UGT3A1: variants seen among roughly 807,000 people sequenced by gnomAD.
The protein encoded by UGT3A1 is UDP glycosyltransferase family 3 member A1, also known as UDP-glycosyltransferase 3A1.
UGT3A1 carries 40 observed loss-of-function variants against 37.6 expected under a neutral mutation model. That is an observed-to-expected ratio of 1.06 (90% confidence interval 0.83 to 1.38). UGT3A1 has a LOEUF of 1.38. Among genes scored for constraint, UGT3A1 ranks in the 40% most tolerant of loss-of-function variants. The pLI is 0.00. For missense variants in UGT3A1, 642 were observed against 634.2 expected (o/e 1.01, Z -0.13); for synonymous variants, 256 against 232.3 (o/e 1.10, Z -0.93).
At chr5:35,958,575 T>G (rs1408707890) in intron 4 of UGT3A1, among the ~76,000 whole-genome samples, 1 of 152,260 alleles carries the variant, frequency 6.6e-6, no homozygotes, top group Non-Finnish European at 1.5e-5. Flanking sequence ...CATGCCCTTG[T>G]TCTTTCAGAG....
chr5:35,980,862 T>C (rs1740494630), intron 2 of UGT3A1, among the ~76,000 whole-genome samples: 1 of 152,238 alleles, frequency 6.6e-6, no homozygotes, highest in Non-Finnish European at 1.5e-5. Flanking sequence ...CTCAGGGCTA[T>C]GGTGAACACC....
chr5:35,976,459 G>A (rs938057912), intron 2 of UGT3A1, among the ~76,000 whole-genome samples: 1 of 152,088 alleles, frequency 6.6e-6, no homozygotes, highest in African/African-American at 2.4e-5. Flanking sequence ...ATTTTAAATG[G>A]TACAGCCACT....
chr5:35,991,190 G>C lies in UGT3A1; in HGVS notation c.51C>G (p.Val17=). Residue 17 remains valine, a synonymous_variant, in exon 1 of 7, where the codon GTC becomes GTG. Coordinates refer to ENST00000274278, the MANE Select transcript of UGT3A1 (RefSeq NM_152404.4). ...GGATTTTGGCAGCCTCTGAGAGCAG[G>C]ACCCCAGAAAGAAGGAAGGCCACTA... ...LLLVAFLLSG[V]LLSEAAKILT... 6.2e-7 allele frequency: 1 copy of C among 1,614,212 alleles called. No homozygotes were observed. The highest frequency in any genetic ancestry group is 2.2e-5 in the East Asian group (1 of 44,864).
chr5:35,992,738 T>C (rs974626127), upstream of UGT3A1, among the ~76,000 whole-genome samples: 1 of 152,194 alleles, frequency 6.6e-6, no homozygotes, highest in African/African-American at 2.4e-5. Flanking sequence ...TCTAAAAAAT[T>C]ATAGGAGTAT....
At chr5:35,986,635 A>C (rs1740739098) in intron 2 of UGT3A1, among the ~76,000 whole-genome samples, 1 of 152,114 alleles carries the variant, frequency 6.6e-6, no homozygotes, top group South Asian at 2.1e-4. Flanking sequence ...GATCTTATGA[A>C]AGTAGAGAGT....
chr5:35,969,786 C>T (rs993384581), intron 2 of UGT3A1, among the ~76,000 whole-genome samples: 1 of 152,204 alleles, frequency 6.6e-6, no homozygotes, highest in Non-Finnish European at 1.5e-5. Context: ...GAATATTTCA[C>T]TAAATTTAAG....
In UGT3A1 at chr5:35,955,775, G is replaced by A. The variant is rs1230121118; in HGVS notation, c.1165C>T (p.Pro389Ser). Residue 389 changes from proline to serine, a missense_variant, in exon 6 of 7, where the codon CCA becomes TCA. Coordinates refer to ENST00000274278, the MANE Select transcript of UGT3A1 (RefSeq NM_152404.4). ...IRHGVPMVGLPVNGDQHGNMV... is the reference protein window; with the variant it reads ...IRHGVPMVGLSVNGDQHGNMV... Reference sequence around the variant, plus strand: ...TTTCCATGCTGGTCTCCATTGACTGGTAATCCCACCATGGGCACACCATGA... The same window carrying A: ...TTTCCATGCTGGTCTCCATTGACTGATAATCCCACCATGGGCACACCATGA... 1 of 1,614,156 alleles carries A rather than the reference G, an allele frequency of 6.2e-7. No homozygotes were observed. Among genetic ancestry groups the A allele is most frequent in the Non-Finnish European group, 8.5e-7 (1 of 1,180,046 alleles).
upstream of UGT3A1, among the ~76,000 whole-genome samples, chr5:35,996,322 CA>C (rs1741095233): frequency 6.6e-6 from 1 of 152,122 alleles, no homozygotes; most frequent in Non-Finnish European, 1.5e-5. Flanking sequence ...GGGAGAGATT[CA>C]TATAATAATA....
chr5:35,957,418 T>A lies in UGT3A1; in HGVS notation c.845A>T (p.Asp282Val). The change falls in exon 5 of 7, where the codon GAC (aspartate) becomes GTC (valine). Residue 282 changes from aspartate to valine, a missense_variant and splice_region_variant. Physicochemically the swap from Asp to Val is radical, Grantham distance 152. Transcript: ENST00000274278. ...AAAGTTGGCAATGAAGTTGTCCAAG[T>A]CCTAGAGAGAGATGACAAAAGAAAG... ...MEKPIKPVPQDLDNFIANFGD... is the reference protein window; with the variant it reads ...MEKPIKPVPQVLDNFIANFGD... The A allele has an allele frequency of 6.2e-7, 1 of 1,613,002 alleles. No individual in the cohort carries two copies. The highest frequency in any genetic ancestry group is 1.1e-5 in the South Asian group (1 of 90,800).
At chr5:35,961,062 G>A (rs1739562333) in intron 4 of UGT3A1, 1 of 152,204 alleles carries the variant, frequency 6.6e-6, no homozygotes, top group African/African-American at 2.4e-5. Context: ...TTTTGTGTGT[G>A]AAAACAGGAA....
rs574769501 is a variant in UGT3A1, at chr5:35,970,065, G to A, written c.197-1932C>T. Among the ~76,000 whole-genome samples the A allele has an allele frequency of 4.5e-4, 69 of 152,230 alleles. 1 individual carries two copies. Among genetic ancestry groups the A allele is most frequent in the African/African-American group, 1.6e-3 (67 of 41,536 alleles). On this transcript the variant is annotated intron_variant, in intron 2 of 6. Coordinates refer to ENST00000274278, the MANE Select transcript of UGT3A1 (RefSeq NM_152404.4). ...AGGTGGCAGCAGGCAAAGAGAGAGA[G>A]AGCTTGTGCAGGGAAACTCTCTCTT...
At position 35,991,384 on chromosome 5, in the gene UGT3A1, C is replaced by T; in HGVS notation, c.-144G>A. On this transcript the variant is annotated 5_prime_UTR_variant, in exon 1 of 7. Coordinates refer to ENST00000274278, the MANE Select transcript of UGT3A1 (RefSeq NM_152404.4). ...GAGACGGATCCTGCCAATTCTCTCG[C>T]CCTTCTGTTCGTTCTCTTTCCCGCT... The T allele has an allele frequency of 6.8e-7, 1 of 1,473,052 alleles. No homozygotes were observed. The highest frequency in any genetic ancestry group is 9.0e-7 in the Non-Finnish European group (1 of 1,111,714). 91.2% of individuals were successfully genotyped at this position (1,473,052 alleles called of 1,614,324 possible). A position where few individuals can be genotyped will look rare whatever the true frequency, so the allele number is the denominator to read the frequency against.
rs367993919 is a variant in UGT3A1, at chr5:35,966,434, A to G, written c.312-517T>C. Among the ~76,000 whole-genome samples the G allele has an allele frequency of 3.4e-3, 519 of 152,330 alleles. 32 individuals are homozygous for G. The South Asian group carries it at 0.097, about 29-fold the overall frequency. ...CTTTTTGATGACAATATTAGAATCC[A>G]AAATCTCAGCTGAAACGAGATTTTT... is the stretch of plus-strand genomic sequence containing the variant. On this transcript the variant is annotated intron_variant, in intron 3 of 6. Transcript: ENST00000274278.
At chr5:35,982,289 G>T (rs559085712) in intron 2 of UGT3A1, among the ~76,000 whole-genome samples, 2 of 152,254 alleles carry the variant, frequency 1.3e-5, no homozygotes, top group South Asian at 4.1e-4. Context: ...CCATCCTCCT[G>T]GAAAAGCTGC....
intron 4 of UGT3A1, chr5:35,961,696 T>TA (rs1739593240): frequency 6.6e-6 from 1 of 152,200 alleles, no homozygotes; most frequent in African/African-American, 2.4e-5. Context: ...ATCTCTATTG[T>TA]AAAAGGCAAA....
At chr5:35,971,082 G>C (rs1740015953) in intron 2 of UGT3A1, among the ~76,000 whole-genome samples, 1 of 152,076 alleles carries the variant, frequency 6.6e-6, no homozygotes, top group Non-Finnish European at 1.5e-5. Flanking sequence ...CCTGTAACTG[G>C]ATGACTGTGG....
chr5:35,955,482 C>T (rs576799636), intron 6 of UGT3A1, 163 bp downstream of exon 6: 2 of 813,420 alleles, frequency 2.5e-6, no homozygotes, highest in African/African-American at 3.4e-5. Context: ...ATTAGTCTTC[C>T]TAGAGACTTA....
In UGT3A1 at chr5:35,965,891, A is replaced by T. The variant is rs149072441; in HGVS notation, c.338T>A (p.Leu113Gln). Residue 113 changes from leucine to glutamine, a missense_variant, in exon 4 of 7, where the codon CTA becomes CAA. Transcript: ENST00000274278. ...GRKESEALVK[L>Q]MEIFGTQCSY... ...ACATTGAGTCCCAAATATTTCCATT[A>T]GCTTTACAAGGGCTTCAGATTCTTT... is the stretch of plus-strand genomic sequence containing the variant. 55 of 1,572,650 alleles carry T rather than the reference A, an allele frequency of 3.5e-5. No homozygotes were observed. The African/African-American group carries it at 7.0e-4, about 20-fold the overall frequency.
intron 4 of UGT3A1, among the ~76,000 whole-genome samples, chr5:35,963,994 T>G (rs543125394): frequency 6.6e-6 from 1 of 152,190 alleles, no homozygotes; most frequent in African/African-American, 2.4e-5. Flanking sequence ...GAAGTTTCAA[T>G]TTGGGAAGAT....
Sources: allele counts gnomAD v4.1 joint callset (sites outside exome capture counted in the v4.1 genomes callset), GRCh38; gene constraint gnomAD v4.1.1; transcripts MANE v1.5; gene names NCBI Gene and HGNC (gene_info 2026-07-23, HGNC 2026-07-21).